CPLANE1: variants seen among roughly 807,000 people sequenced by gnomAD.
The protein encoded by CPLANE1 is ciliogenesis and planar polarity effector 1.
In CPLANE1, 263 loss-of-function variants were observed where a neutral mutation model predicts 362.5. That is an observed-to-expected ratio of 0.73 (90% CI 0.66 to 0.80). The LOEUF is 0.80. Ranked by LOEUF, CPLANE1 falls within the 30% of genes least tolerant of loss-of-function variation. CPLANE1 has a pLI of 0.00. For synonymous variants in CPLANE1, 1,212 were observed against 1,302.6 expected (o/e 0.93, Z 1.50); for missense variants, 3,461 against 3,793.4 (o/e 0.91, Z 2.30).
chr5:37,169,984 G>A (rs374524239), intron 33 of CPLANE1, 57 bp downstream of exon 33: 2 of 1,543,180 alleles, frequency 1.3e-6, no homozygotes, highest in East Asian at 4.5e-5. Context: ...CAAAGTGCTG[G>A]GATTACAGAC....
chr5:37,099,698 C>A, the CPLANE1 span, among the ~76,000 whole-genome samples: 1 of 152,108 alleles, frequency 6.6e-6, no homozygotes, highest in Non-Finnish European at 1.5e-5. Flanking sequence ...CTACCTCTAT[C>A]TCTTTGAGGA....
At chr5:37,176,845 G>A (rs991500595) in intron 30 of CPLANE1, among the ~76,000 whole-genome samples, 7 of 149,774 alleles carry the variant, frequency 4.7e-5, no homozygotes, top group East Asian at 2.0e-4. Context: ...TGCAAGCTCC[G>A]CCTCCCCGGG....
chr5:37,120,416 C>CA, intron 49 of CPLANE1, 76 bp from the exon 50 acceptor site: 1 of 1,338,812 alleles, frequency 7.5e-7, no homozygotes, highest in East Asian at 2.6e-5. Flanking sequence ...TCAAAAAGCC[C>CA]AAATTAAGCT....
intron 44 of CPLANE1, chr5:37,140,123 CACTT>C (rs1769216624): frequency 2.3e-6 from 2 of 887,208 alleles, no homozygotes. Flanking sequence ...CAGAGAAAAA[CACTT>C]AATCTATTCA....
the CPLANE1 span, among the ~76,000 whole-genome samples, chr5:37,077,247 T>C: frequency 1.3e-5 from 2 of 152,068 alleles, no homozygotes; most frequent in Admixed American, 1.3e-4. Flanking sequence ...GGTTGTCTCA[T>C]GGTTTATTAG....
rs553651222 is a variant in CPLANE1, at chr5:37,168,989, C to T, written c.7035G>A (p.Lys2345=). The change falls in exon 34 of 53, where the codon AAG becomes AAA. Residue 2345 remains lysine, a synonymous_variant. Transcript: ENST00000651892. The stretch of plus-strand genomic sequence containing the variant: ...GAGGAGATATCTCAAGGGTCCCTGG[C>T]TTAACATCAAATAGTTTTTCTGGTT... ...FIKPEKLFDV[K]PGTLEISPHH... is the part of the protein sequence containing the mutation. 2.5e-5 allele frequency: 40 copies of T among 1,614,026 alleles called. No individual in the cohort carries two copies. The highest frequency in any genetic ancestry group is 3.3e-4 in the Middle Eastern group (2 of 6,084).
At chr5:37,130,044 AC>A (rs1307351994) in intron 46 of CPLANE1, among the ~76,000 whole-genome samples, 1 of 152,230 alleles carries the variant, frequency 6.6e-6, no homozygotes, top group Non-Finnish European at 1.5e-5. Context: ...ACACATATAC[AC>A]CATGTCATAC....
At chr5:37,245,297 C>CTATA (rs57781968) in intron 4 of CPLANE1, among the ~76,000 whole-genome samples, 182 bp downstream of exon 4, 16 of 59,700 alleles carry the variant, frequency 2.7e-4, no homozygotes, top group Non-Finnish European at 3.3e-4. Context: ...ATAACCAAAA[C>CTATA]TATATATATA....
At chr5:37,082,249 G>A in the CPLANE1 span, among the ~76,000 whole-genome samples, 1 of 151,954 alleles carries the variant, frequency 6.6e-6, no homozygotes, top group African/African-American at 2.4e-5. Flanking sequence ...TTTACATCAA[G>A]CAAAAATACC....
intron 51 of CPLANE1, among the ~76,000 whole-genome samples, chr5:37,113,594 AC>A (rs1353022180): frequency 6.6e-6 from 1 of 152,176 alleles, no homozygotes; most frequent in Non-Finnish European, 1.5e-5. Context: ...TAGAAAAAGT[AC>A]CCAATAGATC....
At position 37,224,597 on chromosome 5, in the gene CPLANE1, A is replaced by G; in HGVS notation, c.2435T>C (p.Leu812Ser). 1 of 1,551,488 alleles carries G rather than the reference A, an allele frequency of 6.4e-7. No individual in the cohort carries two copies. The highest frequency in any genetic ancestry group is 8.7e-7 in the Non-Finnish European group (1 of 1,146,830). ...TCCAGTACTCTGTAGGTTAGCCTGC[A>G]AATGACATAACAGGGACTTGACAGT... is the stretch of plus-strand genomic sequence containing the variant. ...ASTVKSLLCH[L>S]QANLQSTGDC... Residue 812 changes from leucine to serine, a missense_variant, in exon 13 of 53, where the codon TTG becomes TCG. Transcript: ENST00000651892.
At chr5:37,102,145 T>C (rs1427523785), downstream of CPLANE1, among the ~76,000 whole-genome samples, 2 of 152,134 alleles carry the variant, frequency 1.3e-5, no homozygotes, top group Non-Finnish European at 2.9e-5. Context: ...GGGATTTGTT[T>C]GCTCTTGGTT....
At chr5:37,206,466 C>G (rs1342621321) in intron 16 of CPLANE1, 41 bp from the exon 17 acceptor site, 1 of 1,266,168 alleles carries the variant, frequency 7.9e-7, no homozygotes, top group Non-Finnish European at 1.1e-6. Flanking sequence ...ACAATCACAT[C>G]CAAACTCATG....
At chr5:37,194,596 C>T (rs1456583182) in intron 21 of CPLANE1, among the ~76,000 whole-genome samples, 2 of 151,260 alleles carry the variant, frequency 1.3e-5, no homozygotes, top group African/African-American at 2.4e-5. Flanking sequence ...GTTGGAAAAA[C>T]AGACAATCTG....
At chr5:37,215,371 C>T (rs1244252176) in intron 15 of CPLANE1, among the ~76,000 whole-genome samples, 3 of 152,182 alleles carry the variant, frequency 2.0e-5, no homozygotes, top group Non-Finnish European at 4.4e-5. Flanking sequence ...CTTAATACAA[C>T]TTTCCTTTCT....
intron 7 of CPLANE1, 130 bp downstream of exon 7, chr5:37,239,583 A>C (rs1179813957): frequency 4.8e-6 from 2 of 415,856 alleles, no homozygotes; most frequent in African/African-American, 5.9e-5. Context: ...ACCCTGTCAA[A>C]AAAAAAAAAA....
chr5:37,247,891 G>A (rs1740308419), intron 1 of CPLANE1, 146 bp from the exon 2 acceptor site: 2 of 463,164 alleles, frequency 4.3e-6, no homozygotes, highest in East Asian at 4.1e-5. Context: ...TCCGCCTCCC[G>A]GATTCAAGTG....
intron 2 of CPLANE1, 38 bp downstream of exon 2, chr5:37,247,580 A>G (rs1305623016): frequency 2.6e-6 from 4 of 1,516,900 alleles, no homozygotes; most frequent in Non-Finnish European, 1.8e-6. Context: ...CATATAACAT[A>G]TATAAAACTG....
At chr5:37,129,851 TA>T (rs1170757557) in intron 46 of CPLANE1, among the ~76,000 whole-genome samples, 2 of 152,168 alleles carry the variant, frequency 1.3e-5, no homozygotes, top group Non-Finnish European at 2.9e-5. Flanking sequence ...CTTAAAGAAC[TA>T]AAAGTAGAAC....
Sources: gnomAD v4.1 joint callset for allele counts (sites outside exome capture counted in the v4.1 genomes callset) on GRCh38, gnomAD v4.1.1 for gene constraint, MANE v1.5 for transcripts, NCBI Gene and HGNC (gene_info 2026-07-23, HGNC 2026-07-21) for gene names.